GRID2IP: variants seen among roughly 807,000 people sequenced by gnomAD.
GRID2IP encodes the protein Grid2 interacting protein.
GRID2IP carries 78 observed loss-of-function variants against 114.3 expected under a neutral mutation model. The observed-to-expected ratio is 0.68, with a 90% CI of 0.57 to 0.82. GRID2IP has a LOEUF of 0.82. Among genes scored for constraint, GRID2IP ranks in the 40% least tolerant of loss-of-function variants. GRID2IP has a pLI of 0.00. For synonymous variants in GRID2IP, 809 were observed against 724.0 expected, an observed-to-expected ratio of 1.12 and a Z score of -1.89; for missense variants, 1,727 against 1,678.5, an observed-to-expected ratio of 1.03 and a Z score of -0.51.
chr7:6,510,769 A>G (rs1779131053), intron 9 of GRID2IP, 63 bp from the exon 10 acceptor site: 1 of 1,503,716 alleles, frequency 6.7e-7, no homozygotes, highest in Non-Finnish European at 9.0e-7. Context: ...GCCCAGAACC[A>G]ACATGCCCCG....
intron 7 of GRID2IP, 45 bp from the exon 8 acceptor site, chr7:6,514,574 A>C (rs1308641660): frequency 7.6e-6 from 11 of 1,438,484 alleles, no homozygotes; most frequent in Non-Finnish European, 1.0e-5. Flanking sequence ...TCACGGGCTT[A>C]CCATGATGCA....
At chr7:6,518,387 T>G (rs1049673666) in intron 7 of GRID2IP, among the ~76,000 whole-genome samples, 4 of 152,052 alleles carry the variant, frequency 2.6e-5, no homozygotes, top group African/African-American at 9.7e-5. Flanking sequence ...TTAAAATAAT[T>G]AGTAATAGAA....
At position 6,520,813 on chromosome 7, in the gene GRID2IP, A is replaced by G; in HGVS notation, c.1085-52T>C. ...ATGAGTGACTCAGAGTCCCCAGGCCAGGTGTAGTCTCCCTGGCTTTTGAGG... is the reference window on the plus strand; with the variant it reads ...ATGAGTGACTCAGAGTCCCCAGGCCGGGTGTAGTCTCCCTGGCTTTTGAGG... On this transcript the variant is annotated intron_variant, in intron 6 of 21. Transcript: ENST00000457091. This position sits in a 1 kb window ranked among gnomAD's most constrained non-coding sequence, Gnocchi z 4.6. 1 of 1,499,680 alleles carries G rather than the reference A, an allele frequency of 6.7e-7. No homozygotes were observed. The highest frequency in any genetic ancestry group is 9.0e-7 in the Non-Finnish European group (1 of 1,110,196). 92.9% of individuals were successfully genotyped at this position (1,499,680 alleles called of 1,614,324 possible).
At position 6,507,390 on chromosome 7, in the gene GRID2IP, A is replaced by AG. The variant is rs1786625912; in HGVS notation, c.2544+594_2544+595insC. Among the ~76,000 whole-genome samples the AG allele has an allele frequency of 6.6e-6, 1 of 151,990 alleles. No homozygotes were observed. The highest frequency in any genetic ancestry group is 1.5e-5 in the Non-Finnish European group (1 of 67,986). On this transcript the variant is annotated intron_variant, in intron 13 of 21. Transcript: ENST00000457091. This position sits in a 1 kb window ranked among gnomAD's most constrained non-coding sequence, Gnocchi z 5.3. ...TAAGAGAATGATCTGAAAAAAAAAA[A>AG]AAGGGGTGGGGTGAACCTTGTTCAT...
At chr7:6,544,756 GC>G (rs1460678968) in intron 1 of GRID2IP, among the ~76,000 whole-genome samples, 2 of 152,064 alleles carry the variant, frequency 1.3e-5, no homozygotes, top group African/African-American at 2.4e-5. Context: ...TTGGAGACCA[GC>G]CTGGGCAACA....
At chr7:6,511,124 T>C in intron 8 of GRID2IP, 85 bp from the exon 9 acceptor site, 1 of 1,304,426 alleles carries the variant, frequency 7.7e-7, no homozygotes, top group East Asian at 3.1e-5. Flanking sequence ...AGGGCAGATG[T>C]CATCTGCACC....
rs766363742 is a variant in GRID2IP, at chr7:6,539,783, A to G, written c.519T>C (p.Asp173=). ...KQFAAEQRVD[D]LVWTLTLALP... is the part of the protein sequence containing the mutation. The stretch of plus-strand genomic sequence containing the variant: ...GCGCCAGGGTGAGAGTCCACACCAG[A>G]TCATCCACCCGCTGCTCAGCTGCAA... Residue 173 remains aspartate, a synonymous_variant, in exon 2 of 22, where the codon GAT becomes GAC. Coordinates refer to ENST00000457091, the MANE Select transcript of GRID2IP (RefSeq NM_001145118.2). The G allele has an allele frequency of 6.4e-7, 1 of 1,550,480 alleles. No homozygotes were observed. Among genetic ancestry groups the G allele is most frequent in the South Asian group, 1.2e-5 (1 of 83,994 alleles).
At position 6,521,400 on chromosome 7, in the gene GRID2IP, A is replaced by G. The variant is rs1245412061; in HGVS notation, c.1084+29T>C. On this transcript the variant is annotated intron_variant, in intron 6 of 21. Coordinates refer to ENST00000457091, the MANE Select transcript of GRID2IP (RefSeq NM_001145118.2). This position sits in a 1 kb window ranked among gnomAD's most constrained non-coding sequence, Gnocchi z 4.1. ...GCCTGGGCAGGGTCTCTGGGGGCCA[A>G]GGAAGCCAAGTGTCCATGGGGGTCT... is the stretch of plus-strand genomic sequence containing the variant. 6.8e-7 allele frequency: 1 copy of G among 1,470,584 alleles called. No individual in the cohort carries two copies. The highest frequency in any genetic ancestry group is 1.3e-5 in the South Asian group (1 of 75,654). The allele number at this position is 1,470,584 out of a possible 1,614,324, so 91.1% of individuals were successfully genotyped here.
chr7:6,510,802 G>A (rs976786114), intron 9 of GRID2IP, 96 bp from the exon 10 acceptor site: 5 of 1,471,900 alleles, frequency 3.4e-6, no homozygotes, highest in Non-Finnish European at 4.6e-6. Context: ...GGCCAATCCT[G>A]AGCCCTGCTT....
chr7:6,504,706 C>A, intron 15 of GRID2IP, 87 bp downstream of exon 15: 1 of 1,044,030 alleles, frequency 9.6e-7, no homozygotes, highest in South Asian at 1.4e-5. Flanking sequence ...ACCGCCTAAT[C>A]TCTGTCATCC....
At position 6,526,576 on chromosome 7, in the gene GRID2IP, G is replaced by C; in HGVS notation, c.778C>G (p.Pro260Ala). 2 of 1,202,344 alleles carry C rather than the reference G, an allele frequency of 1.7e-6. No homozygotes were observed. The highest frequency in any genetic ancestry group is 6.9e-5 in the East Asian group (2 of 28,910). 74.5% of individuals were successfully genotyped at this position (1,202,344 alleles called of 1,614,324 possible). A position where few individuals can be genotyped will look rare whatever the true frequency, so the allele number is the denominator to read the frequency against. Residue 260 changes from proline to alanine, a missense_variant, in exon 3 of 22, where the codon CCG becomes GCG. Physicochemically the swap from Pro to Ala is conservative, Grantham distance 27 (BLOSUM62 -1). Coordinates refer to ENST00000457091, the MANE Select transcript of GRID2IP (RefSeq NM_001145118.2). The surrounding 1 kb of genome is among the most constrained non-coding windows in gnomAD (Gnocchi z 7.6). The stretch of plus-strand genomic sequence containing the variant: ...CCCACCAGCAAGGAGGCCCTGCGCG[G>C]GGGCGGCTCATCGGGGCGGCGCGGC... ...APPRRPDEPP[P>A]RRASLLVGGL...
Position 6,520,790 on chromosome 7 carries a change from G to A in GRID2IP, c.1085-29C>T, listed in dbSNP as rs759747444. On this transcript the variant is annotated intron_variant, in intron 6 of 21. Coordinates refer to ENST00000457091, the MANE Select transcript of GRID2IP (RefSeq NM_001145118.2). The surrounding 1 kb of genome is among the most constrained non-coding windows in gnomAD (Gnocchi z 4.6). ...CTGGGACCACAGGCGGGAGAGGCAT[G>A]AGTGACTCAGAGTCCCCAGGCCAGG... 38 of 1,534,426 alleles carry A rather than the reference G, an allele frequency of 2.5e-5. No individual in the cohort carries two copies. Among genetic ancestry groups the A allele is most frequent in the Admixed American group, 4.0e-5 (2 of 50,564 alleles).
At chr7:6,497,926 A>C (rs1786302077) in intron 21 of GRID2IP, 81 bp from the exon 22 acceptor site, 1 of 1,414,248 alleles carries the variant, frequency 7.1e-7, no homozygotes, top group Non-Finnish European at 9.6e-7. Context: ...CCCACACTAG[A>C]CAGCCCATCA....
Position 6,510,963 on chromosome 7 carries a change from G to A in GRID2IP, c.1500C>T (p.Ser500=). ...EPQPRSSLRA[S]SMCRRSLRSQ... is the part of the protein sequence containing the mutation. ...ACCGGAGGCTGCGGCGGCACATGGAGGAAGCCCGCAGGGAGCTCCGCGGCT... is the reference window on the plus strand; with the variant it reads ...ACCGGAGGCTGCGGCGGCACATGGAAGAAGCCCGCAGGGAGCTCCGCGGCT... The change falls in exon 9 of 22, where the codon TCC becomes TCT. Residue 500 remains serine (S), a synonymous_variant. Coordinates refer to ENST00000457091, the MANE Select transcript of GRID2IP (RefSeq NM_001145118.2). 2 of 1,547,922 alleles carry A rather than the reference G, an allele frequency of 1.3e-6. No homozygotes were observed. Among genetic ancestry groups the A allele is most frequent in the Non-Finnish European group, 1.7e-6 (2 of 1,145,194 alleles).
rs1305888119 is a variant in GRID2IP, at chr7:6,551,233, C to G, written c.204G>C (p.Leu68=). 7 of 1,527,808 alleles carry G rather than the reference C, an allele frequency of 4.6e-6. No homozygotes were observed. The African/African-American group carries it at 8.3e-5, about 18-fold the overall frequency. 94.6% of individuals were successfully genotyped at this position (1,527,808 alleles called of 1,614,324 possible). ...GGLSRERLVR[L]ARRCPRVPPS... ...GCGGCACACGTGGGCAGCGCCGTGCCAGGCGCACGAGGCGCTCGCGGCTCA... is the reference window on the plus strand; with the variant it reads ...GCGGCACACGTGGGCAGCGCCGTGCGAGGCGCACGAGGCGCTCGCGGCTCA... Residue 68 remains leucine, a synonymous_variant, in exon 1 of 22, where the codon CTG becomes CTC. Transcript: ENST00000457091.
At chr7:6,512,814 C>A (rs1016985566) in intron 8 of GRID2IP, among the ~76,000 whole-genome samples, 1 of 151,898 alleles carries the variant, frequency 6.6e-6, no homozygotes, top group African/African-American at 2.4e-5. Flanking sequence ...CACGGCCACC[C>A]CTGGCTGATT....
rs990802838 is a variant in GRID2IP, at chr7:6,496,954, G to A, written c.*820C>T. On this transcript the variant is annotated 3_prime_UTR_variant, in exon 22 of 22. Transcript: ENST00000457091. ...GGGTCCCAAACACATCCCAGATTGT[G>A]TCATCTGCCCCCACACCTGCCCCGG... is the stretch of plus-strand genomic sequence containing the variant. Among the ~76,000 whole-genome samples, 2 of 152,102 alleles carry A rather than the reference G, an allele frequency of 1.3e-5. No homozygotes were observed. The highest frequency in any genetic ancestry group is 2.9e-5 in the Non-Finnish European group (2 of 68,016).
Position 6,508,753 on chromosome 7 carries a change from G to C in GRID2IP, c.2127+205C>G, listed in dbSNP as rs905363416. 6.6e-6 allele frequency among the ~76,000 whole-genome samples: 1 copy of C among 152,148 alleles called. No individual in the cohort carries two copies. The highest frequency in any genetic ancestry group is 6.5e-5 in the Admixed American group (1 of 15,284). ...AACCTGCGACAGGGAATATGGGCTA[G>C]CCTCAGTCAAGGAGCATGATAACCT... is the stretch of plus-strand genomic sequence containing the variant. On this transcript the variant is annotated intron_variant, in intron 12 of 21. Coordinates refer to ENST00000457091, the MANE Select transcript of GRID2IP (RefSeq NM_001145118.2). This position sits in a 1 kb window ranked among gnomAD's most constrained non-coding sequence, Gnocchi z 5.6.
intron 4 of GRID2IP, among the ~76,000 whole-genome samples, chr7:6,524,457 C>A (rs930359151): frequency 1.3e-5 from 2 of 152,272 alleles, no homozygotes; most frequent in East Asian, 1.9e-4. Context: ...GACACTTCTG[C>A]CCTACAAACA....
Sources: gnomAD v4.1 joint callset for allele counts (sites outside exome capture counted in the v4.1 genomes callset) on GRCh38, gnomAD v4.1.1 for gene constraint, Gnocchi (gnomAD v3.1) non-coding constraint, MANE v1.5 for transcripts, NCBI Gene and HGNC (gene_info 2026-07-23, HGNC 2026-07-21) for gene names.